UNC79: variants seen among roughly 807,000 people sequenced by gnomAD.
UNC79 encodes unc-79 subunit of NALCN channel complex.
UNC79 carries 37 observed loss-of-function variants against 283.1 expected under a neutral mutation model. The observed-to-expected ratio is 0.13, with a 90% CI of 0.10 to 0.17. The LOEUF (loss-of-function observed/expected upper bound fraction) is 0.17, where lower values mean the gene tolerates loss of function less well. UNC79 is among the 10% of genes least tolerant of loss of function. UNC79 has a pLI of 1.00. For synonymous variants in UNC79, 1,107 were observed against 1,200.2 expected (o/e 0.92, Z 1.61); for missense variants, 2,272 against 3,211.1 (o/e 0.71, Z 7.07).
At chr14:93,520,268 G>A (rs1471442426) in intron 7 of UNC79, among the ~76,000 whole-genome samples, 1 of 151,888 alleles carries the variant, frequency 6.6e-6, no homozygotes, top group Non-Finnish European at 1.5e-5. Flanking sequence ...AGAAATCAGC[G>A]ATCATTCTTA....
chr14:93,379,557 T>C (rs1218517147), intron 1 of UNC79, among the ~76,000 whole-genome samples: 2 of 152,228 alleles, frequency 1.3e-5, no homozygotes, highest in East Asian at 3.8e-4. Flanking sequence ...ATTTCTTCAC[T>C]ATGATTTCTA....
chr14:93,343,869 G>A (rs2053767357), intron 1 of UNC79, among the ~76,000 whole-genome samples: 2 of 152,144 alleles, frequency 1.3e-5, no homozygotes, highest in South Asian at 2.1e-4. Context: ...TGCATTGTGG[G>A]TCACTGAGAA....
chr14:93,412,591 A>T (rs2055357314), intron 1 of UNC79, among the ~76,000 whole-genome samples: 1 of 152,028 alleles, frequency 6.6e-6, no homozygotes, highest in Non-Finnish European at 1.5e-5. Context: ...GACTGTTGGG[A>T]GTTTGATTAT....
At chr14:93,456,657 T>G (rs186158686) in intron 1 of UNC79, among the ~76,000 whole-genome samples, 15 of 152,336 alleles carry the variant, frequency 9.8e-5, no homozygotes, top group Admixed American at 9.8e-4. Flanking sequence ...TGTTTCACTT[T>G]CCTGCACCCA....
intron 1 of UNC79, among the ~76,000 whole-genome samples, chr14:93,337,900 G>T (rs573916711): frequency 7.4e-4 from 112 of 152,244 alleles, no homozygotes; most frequent in African/African-American, 2.6e-3. Flanking sequence ...GAAGCCGCTT[G>T]TGGTATGTCT....
At chr14:93,502,311 G>A (rs1182606441) in intron 7 of UNC79, among the ~76,000 whole-genome samples, 1 of 152,148 alleles carries the variant, frequency 6.6e-6, no homozygotes, top group Non-Finnish European at 1.5e-5. Context: ...TACTCTGGAG[G>A]CTGAGGCAGG....
intron 1 of UNC79, among the ~76,000 whole-genome samples, chr14:93,369,061 A>G (rs892875928): frequency 6.6e-6 from 1 of 152,210 alleles, no homozygotes; most frequent in Non-Finnish European, 1.5e-5. Flanking sequence ...CTCCTAGTCA[A>G]CAACTGCAAG....
rs541149550 is a variant in UNC79, at chr14:93,694,751, A to T, written c.7548+339A>T. 2.0e-5 allele frequency among the ~76,000 whole-genome samples: 3 copies of T among 152,272 alleles called. 1 individual carries two copies. The highest frequency in any genetic ancestry group is 2.0e-4 in the Admixed American group (3 of 15,290). On this transcript the variant is annotated intron_variant, in intron 47 of 48. Coordinates refer to ENST00000555664, the Ensembl canonical transcript of UNC79. ...GGCAATATAGTGAGACCTTGTGTCT[A>T]CCAAAAAACAAACAAAAAAAAAGGT...
intron 1 of UNC79, among the ~76,000 whole-genome samples, chr14:93,462,360 G>A (rs1448090581): frequency 2.0e-5 from 3 of 152,166 alleles, no homozygotes; most frequent in East Asian, 1.9e-4. Context: ...TTTGTGTCAC[G>A]ACGTTAGGTT....
intron 10 of UNC79, among the ~76,000 whole-genome samples, chr14:93,530,903 C>T (rs1005354972): frequency 6.6e-5 from 10 of 151,912 alleles, no homozygotes; most frequent in East Asian, 1.9e-4. Flanking sequence ...AGCGAGACTC[C>T]GTCTCAGAAA....
chr14:93,550,533 A>AAAAAAAAAAAAAAAAAAGAAAAG (rs2061835892), intron 14 of UNC79, among the ~76,000 whole-genome samples: 2 of 122,574 alleles, frequency 1.6e-5, no homozygotes, highest in Non-Finnish European at 3.3e-5. Flanking sequence ...AAAAAAAAAA[A>AAAAAAAAAAAAAAAAAAGAAAAG]AAAAAAAAGA....
chr14:93,515,703 A>G (rs2060022025), intron 7 of UNC79, among the ~76,000 whole-genome samples: 1 of 152,108 alleles, frequency 6.6e-6, no homozygotes, highest in Admixed American at 6.5e-5. Flanking sequence ...ATGTGAAGTT[A>G]CCAATGAACT....
At chr14:93,445,254 A>G (rs954051436) in intron 1 of UNC79, among the ~76,000 whole-genome samples, 2 of 152,236 alleles carry the variant, frequency 1.3e-5, no homozygotes, top group African/African-American at 4.8e-5. Context: ...ATTTGTGAAT[A>G]AAGATAATTT....
At chr14:93,704,732 A>T in intron 48 of UNC79, 66 bp downstream of exon 51, 1 of 1,560,712 alleles carries the variant, frequency 6.4e-7, no homozygotes, top group Non-Finnish European at 8.8e-7. Context: ...GTTCCTAGGG[A>T]TTGTTGATGC....
At chr14:93,651,484 C>T (rs2070251825) in intron 35 of UNC79, among the ~76,000 whole-genome samples, 1 of 151,928 alleles carries the variant, frequency 6.6e-6, no homozygotes, top group Admixed American at 6.6e-5. Flanking sequence ...GAGGTCTTGC[C>T]ATTTTTGTTA....
intron 48 of UNC79, among the ~76,000 whole-genome samples, chr14:93,705,691 A>G (rs1241166717): frequency 2.6e-5 from 4 of 152,250 alleles, no homozygotes; most frequent in African/African-American, 9.6e-5. Flanking sequence ...ACCAGCAAAC[A>G]GAGTTACTGG....
At chr14:93,478,502 T>A (rs1358571481) in intron 4 of UNC79, among the ~76,000 whole-genome samples, 1 of 152,200 alleles carries the variant, frequency 6.6e-6, no homozygotes, top group African/African-American at 2.4e-5. Context: ...AGATTGTGGA[T>A]TTAGGAGTCA....
In UNC79 at chr14:93,424,161, G is replaced by C. The variant is rs2055672299; in HGVS notation, c.-350-43510G>C. On this transcript the variant is annotated intron_variant, in intron 1 of 49. Transcript: ENST00000256339. ...GATAAATGCAAATCAAAACTACAAT[G>C]AGATATCATCTCACCCCAGTTAAAA... is the stretch of plus-strand genomic sequence containing the variant. 3.3e-5 allele frequency among the ~76,000 whole-genome samples: 5 copies of C among 152,124 alleles called. No homozygotes were observed. In the South Asian group the frequency reaches 1.0e-3, roughly 32 times the overall value.
At chr14:93,496,277 G>A in intron 5 of UNC79, 134 bp from the exon 6 acceptor site, 1 of 555,598 alleles carries the variant, frequency 1.8e-6, no homozygotes, top group Non-Finnish European at 3.0e-6. Flanking sequence ...ATGAATATAT[G>A]GAGAGAAGTT....
Sources: allele counts gnomAD v4.1 joint callset (sites outside exome capture counted in the v4.1 genomes callset), GRCh38; gene constraint gnomAD v4.1.1; transcripts MANE v1.5; gene names NCBI Gene and HGNC (gene_info 2026-07-23, HGNC 2026-07-21).